The following DBT variants were observed in gnomAD, a reference collection of about 807,000 sequenced individuals.
DBT encodes the protein dihydrolipoamide branched chain transacylase E2, also known as lipoamide acyltransferase component of branched-chain alpha-keto acid dehydrogenase complex, mitochondrial.
In DBT, 40 loss-of-function variants were observed where a neutral mutation model predicts 51.3. The ratio of observed to expected loss-of-function variants is 0.78; its 90% confidence interval spans 0.61 to 1.02. The LOEUF (loss-of-function observed/expected upper bound fraction) is 1.02. Ranked by LOEUF, DBT falls within the 50% of genes least tolerant of loss-of-function variation. DBT has a pLI of 0.00. For missense variants in DBT, 510 were observed against 580.2 expected, an observed-to-expected ratio of 0.88 and a Z score of 1.24; for synonymous variants, 181 against 190.4, an observed-to-expected ratio of 0.95 and a Z score of 0.41.
intron 1 of DBT, among the ~76,000 whole-genome samples, chr1:100,241,887 G>A (rs1664241707): frequency 6.6e-6 from 1 of 152,078 alleles, no homozygotes; most frequent in Admixed American, 6.6e-5. Context: ...TGGGCTTGGT[G>A]GCATGCGCCT....
intron 10 of DBT, chr1:100,196,744 G>C (rs1661132786): frequency 3.4e-6 from 1 of 295,074 alleles, no homozygotes; most frequent in African/African-American, 2.2e-5. Flanking sequence ...TATGTGCCAA[G>C]TATTCTTCTA....
intron 1 of DBT, among the ~76,000 whole-genome samples, chr1:100,247,242 A>C (rs1330303110): frequency 6.6e-6 from 1 of 152,248 alleles, no homozygotes; most frequent in Non-Finnish European, 1.5e-5. Flanking sequence ...AATGTCTCTT[A>C]CTTTATAAGA....
rs1570847435 is a variant in DBT at position 100,240,833 on chromosome 1, T to G, written c.103A>C (p.Asn35His). ...TCGNVHVLKP[N>H]YVCFFGYPSF... ...GGATAACCAAAGAAACACACATAAT[T>G]TGGCTTCAAAACATGAACATTACCA... The change falls in exon 2 of 11, where the codon AAT (asparagine) becomes CAT (histidine). Residue 35 changes from asparagine to histidine, a missense_variant. Physicochemically the swap from Asn to His is moderately conservative, Grantham distance 68. Transcript: ENST00000370132. 1.9e-6 allele frequency: 3 copies of G among 1,611,656 alleles called. No individual in the cohort carries two copies. Among genetic ancestry groups the G allele is most frequent in the Admixed American group, 3.3e-5 (2 of 59,992 alleles).
intron 2 of DBT, among the ~76,000 whole-genome samples, chr1:100,238,094 T>TCCTC (rs1243160287): frequency 6.6e-6 from 1 of 151,834 alleles, no homozygotes; most frequent in African/African-American, 2.4e-5. Context: ...TAGCTTTCCT[T>TCCTC]CCTCCCTCCC....
At chr1:100,221,219 G>A (rs1662840644) in intron 4 of DBT, among the ~76,000 whole-genome samples, 1 of 152,084 alleles carries the variant, frequency 6.6e-6, no homozygotes, top group Non-Finnish European at 1.5e-5. Flanking sequence ...ACTTACTTGT[G>A]AGAAGTCACT....
intron 4 of DBT, among the ~76,000 whole-genome samples, chr1:100,227,080 G>A (rs1663262377): frequency 6.6e-6 from 1 of 152,212 alleles, no homozygotes; most frequent in Non-Finnish European, 1.5e-5. Context: ...AACCTGTGGA[G>A]CATGTTATTG....
chr1:100,209,903 G>A (rs970729721), intron 8 of DBT, among the ~76,000 whole-genome samples: 3 of 150,570 alleles, frequency 2.0e-5, no homozygotes, highest in Non-Finnish European at 4.4e-5. Context: ...TTCAGGAAAG[G>A]CATCTCAAAA....
At position 100,214,809 on chromosome 1, in the gene DBT, A is replaced by C; in HGVS notation, c.939+8T>G. ...ACTCAAGCCTTGTTTGAAATGAATG[A>C]ATCTCACCTTTAAGAAGAAAGGCAT... is the stretch of plus-strand genomic sequence containing the variant. On this transcript the variant is annotated splice_region_variant and intron_variant, in intron 7 of 10. Coordinates refer to ENST00000370132, the MANE Select transcript of DBT (RefSeq NM_001918.5). The C allele has an allele frequency of 6.2e-7, 1 of 1,613,568 alleles. No individual in the cohort carries two copies.
intron 1 of DBT, chr1:100,249,085 T>C (rs1052034883): frequency 1.0e-6 from 1 of 987,982 alleles, no homozygotes; most frequent in Non-Finnish European, 1.2e-6. Context: ...GGCAGGAGCA[T>C]CTAGGGAAAG....
At chr1:100,222,230 T>C (rs1036316673) in intron 4 of DBT, among the ~76,000 whole-genome samples, 11 of 152,244 alleles carry the variant, frequency 7.2e-5, no homozygotes, top group African/African-American at 2.7e-4. Flanking sequence ...TTTAGTTAGA[T>C]GGTACACTAC....
Position 100,206,309 on chromosome 1 carries a change from T to TAAAAA in DBT, c.1210-9_1210-8insTTTTT. ...GGCAAAGGTACCACCAATCTATTTT[T>TAAAAA]TAAAAAAAAAAAAAGGAGAGTATTA... is the stretch of plus-strand genomic sequence containing the variant. On this transcript the variant is annotated splice_polypyrimidine_tract_variant and intron_variant, in intron 9 of 10. Transcript: ENST00000370132. 1 of 1,449,718 alleles carries TAAAAA rather than the reference T, an allele frequency of 6.9e-7. No homozygotes were observed. The highest frequency in any genetic ancestry group is 9.5e-7 in the Non-Finnish European group (1 of 1,048,212). 89.8% of individuals were successfully genotyped at this position (1,449,718 alleles called of 1,614,324 possible).
chr1:100,215,924 G>A (rs991637180), intron 6 of DBT, 59 bp downstream of exon 6: 14 of 1,007,686 alleles, frequency 1.4e-5, no homozygotes, highest in Non-Finnish European at 2.1e-5. Flanking sequence ...ATCTACTGAG[G>A]TAGCTTCCCC....
chr1:100,201,960 T>C (rs1661459684), intron 10 of DBT, among the ~76,000 whole-genome samples: 1 of 152,012 alleles, frequency 6.6e-6, no homozygotes, highest in Admixed American at 6.5e-5. Context: ...CAACCCAAAA[T>C]GTAAAGACCA....
chr1:100,195,613 A>G lies in DBT; in HGVS notation c.*642T>C, dbSNP rs1055527758. The G allele has an allele frequency of 2.0e-5, 3 of 152,236 alleles. No individual in the cohort carries two copies. Among genetic ancestry groups the G allele is most frequent in the African/African-American group, 7.2e-5 (3 of 41,456 alleles). 9.4% of individuals were successfully genotyped at this position (152,236 alleles called of 1,614,324 possible). On this transcript the variant is annotated 3_prime_UTR_variant, in exon 11 of 11. Transcript: ENST00000370132. ...AGTTTCATTAAGAGTCAGTTAAAAA[A>G]AATAGGGCATATACTGTCTGTATAT...
chr1:100,231,009 C>A (rs1415299841), intron 3 of DBT, 95 bp from the exon 4 acceptor site: 2 of 778,880 alleles, frequency 2.6e-6, no homozygotes, highest in South Asian at 1.4e-5. Context: ...GATCAGTATT[C>A]ATCTAGCCCA....
chr1:100,212,135 AC>A (rs1662185984), intron 7 of DBT, among the ~76,000 whole-genome samples: 1 of 152,136 alleles, frequency 6.6e-6, no homozygotes, highest in Non-Finnish European at 1.5e-5. Flanking sequence ...TTATCTAAAA[AC>A]CCCTAAGGTT....
chr1:100,235,253 C>T (rs1423326320), intron 3 of DBT, among the ~76,000 whole-genome samples, 183 bp downstream of exon 3: 1 of 152,046 alleles, frequency 6.6e-6, no homozygotes, highest in East Asian at 1.9e-4. Context: ...AGTCCTTCAC[C>T]ACTATATCAT....
intron 4 of DBT, 104 bp downstream of exon 4, chr1:100,230,629 G>GAA (rs11394110): frequency 0.18 from 89,412 of 494,606 alleles, 7 homozygotes; most frequent in East Asian, 0.26. Flanking sequence ...AATAGGAATA[G>GAA]AAAAAAAAAA....
intron 1 of DBT, among the ~76,000 whole-genome samples, chr1:100,241,324 G>A (rs1397577826): frequency 6.6e-6 from 1 of 151,448 alleles, no homozygotes; most frequent in East Asian, 1.9e-4. Flanking sequence ...AGGCCCAAAT[G>A]TATTCAACTC....
Sources: allele counts gnomAD v4.1 joint callset (sites outside exome capture counted in the v4.1 genomes callset), GRCh38; gene constraint gnomAD v4.1.1; transcripts MANE v1.5; gene names NCBI Gene and HGNC (gene_info 2026-07-23, HGNC 2026-07-21).